DLGAP2: variants seen among roughly 807,000 people sequenced by gnomAD.
The protein encoded by DLGAP2 is DLG associated protein 2, also known as disks large-associated protein 2.
DLGAP2 carries 26 observed loss-of-function variants against 100.3 expected under a neutral mutation model. That is an observed-to-expected ratio of 0.26 (90% CI 0.19 to 0.36). The LOEUF (loss-of-function observed/expected upper bound fraction) is 0.36. Ranked by LOEUF, DLGAP2 falls within the 10% of genes least tolerant of loss-of-function variation. The pLI, the probability that DLGAP2 is intolerant of heterozygous loss-of-function variation, is 1.00. For synonymous variants in DLGAP2, 886 were observed against 630.1 expected, an observed-to-expected ratio of 1.41 and a Z score of -6.08; for missense variants, 1,858 against 1,453.2, an observed-to-expected ratio of 1.28 and a Z score of -4.53.
At chr8:1,327,088 C>G (rs1392116530) in intron 3 of DLGAP2, among the ~76,000 whole-genome samples, 1 of 152,248 alleles carries the variant, frequency 6.6e-6, no homozygotes, top group Non-Finnish European at 1.5e-5. Flanking sequence ...CCTGGTTCCA[C>G]GTGGCCCAGC....
At chr8:814,716 G>A (rs971685198) in intron 1 of DLGAP2, among the ~76,000 whole-genome samples, 1 of 151,712 alleles carries the variant, frequency 6.6e-6, no homozygotes, top group African/African-American at 2.4e-5. Context: ...AGCTGGGCGT[G>A]GTGGCAGGTG....
intron 3 of DLGAP2, among the ~76,000 whole-genome samples, chr8:1,385,832 G>A (rs949518082): frequency 2.9e-4 from 43 of 150,734 alleles, no homozygotes; most frequent in African/African-American, 1.0e-3. Flanking sequence ...CAGTTACCCC[G>A]GCCTATGCCT....
intron 2 of DLGAP2, among the ~76,000 whole-genome samples, chr8:1,241,321 A>T (rs551042043): frequency 6.7e-6 from 1 of 150,022 alleles, no homozygotes; most frequent in East Asian, 2.0e-4. Flanking sequence ...GTTCTCTCAC[A>T]TGGCACTGTG....
chr8:1,433,268 A>G (rs548859090), intron 3 of DLGAP2, among the ~76,000 whole-genome samples: 63 of 152,210 alleles, frequency 4.1e-4, no homozygotes, highest in Non-Finnish European at 7.8e-4. Flanking sequence ...GAACCCATCC[A>G]GCTCTCTGCT....
At chr8:740,446 C>T (rs1223995200) in intron 1 of DLGAP2, 2 of 152,196 alleles carry the variant, frequency 1.3e-5, no homozygotes, top group Admixed American at 6.5e-5. Context: ...GAATTCAGAT[C>T]ACATGACATT....
intron 2 of DLGAP2, among the ~76,000 whole-genome samples, chr8:1,094,788 G>A (rs1174113823): frequency 2.0e-5 from 3 of 152,238 alleles, no homozygotes; most frequent in African/African-American, 7.2e-5. Flanking sequence ...GCATGGCATT[G>A]AACACAGAAG....
intron 2 of DLGAP2, among the ~76,000 whole-genome samples, chr8:938,908 G>T (rs531413601): frequency 2.6e-5 from 4 of 152,258 alleles, no homozygotes; most frequent in Non-Finnish European, 5.9e-5. Flanking sequence ...CCGAGGAAGA[G>T]TGTGAGGATG....
At chr8:808,492 CAG>C (rs981215427) in intron 1 of DLGAP2, among the ~76,000 whole-genome samples, 4 of 152,180 alleles carry the variant, frequency 2.6e-5, no homozygotes, top group African/African-American at 4.8e-5. Context: ...GTTCTGGGAA[CAG>C]GGAGGACCAG....
rs149600790 is a variant in DLGAP2, at chr8:835,719, C to T, written c.19-72193C>T. 1.2e-4 allele frequency among the ~76,000 whole-genome samples: 19 copies of T among 152,258 alleles called. No individual in the cohort carries two copies. In the East Asian group the frequency reaches 3.7e-3, roughly 29 times the overall value. ...TTTTCTCTGTGCTAGGCTGCGTCAC[C>T]AAATGTCTGAAATACTTAGTTATTA... On this transcript the variant is annotated intron_variant, in intron 1 of 14. Coordinates refer to ENST00000637795, the MANE Select transcript of DLGAP2 (RefSeq NM_001346810.2).
intron 4 of DLGAP2, among the ~76,000 whole-genome samples, chr8:1,533,131 T>TA (rs1801037724): frequency 6.9e-6 from 1 of 145,848 alleles, no homozygotes; most frequent in African/African-American, 2.6e-5. Context: ...TCACTGATTC[T>TA]AGGGAAAAAA....
At chr8:1,691,426 G>C (rs932545454) in intron 12 of DLGAP2, 109 bp from the exon 13 acceptor site, 2 of 923,312 alleles carry the variant, frequency 2.2e-6, no homozygotes, top group Admixed American at 2.5e-5. Flanking sequence ...GAAGTCGTCA[G>C]TTTTCATCTC....
intron 2 of DLGAP2, among the ~76,000 whole-genome samples, chr8:1,241,178 C>T (rs1196744697): frequency 4.4e-4 from 9 of 20,402 alleles, no homozygotes; most frequent in African/African-American, 7.9e-4. Flanking sequence ...CACGTGGCGC[C>T]GTGTCTCGTT....
intron 1 of DLGAP2, among the ~76,000 whole-genome samples, chr8:779,641 T>A (rs1821634302): frequency 6.6e-6 from 1 of 151,908 alleles, no homozygotes; most frequent in Non-Finnish European, 1.5e-5. Flanking sequence ...ATAGCATTAT[T>A]TTCTGAGAAG....
At chr8:1,639,431 G>A (rs896074110) in intron 8 of DLGAP2, among the ~76,000 whole-genome samples, 1 of 152,134 alleles carries the variant, frequency 6.6e-6, no homozygotes, top group Non-Finnish European at 1.5e-5. Context: ...GAATTGTGCA[G>A]CCCCTCTATG....
chr8:1,485,982 G>A (rs1051847016), intron 3 of DLGAP2, among the ~76,000 whole-genome samples: 1 of 152,274 alleles, frequency 6.6e-6, no homozygotes, highest in African/African-American at 2.4e-5. Flanking sequence ...AGCCGAGATC[G>A]CGCCACTGCA....
At chr8:1,669,482 G>T (rs2130840424) in intron 9 of DLGAP2, among the ~76,000 whole-genome samples, 1 of 152,342 alleles carries the variant, frequency 6.6e-6, no homozygotes, top group African/African-American at 2.4e-5. Flanking sequence ...AGCAGGGCTG[G>T]CCGTCAAGCC....
intron 2 of DLGAP2, among the ~76,000 whole-genome samples, chr8:932,776 G>C (rs950083931): frequency 6.6e-6 from 1 of 152,004 alleles, no homozygotes; most frequent in African/African-American, 2.4e-5. Context: ...TACTGCTTTT[G>C]TAACTTTTCT....
chr8:1,312,714 A>G (rs1388740052), intron 3 of DLGAP2, among the ~76,000 whole-genome samples: 1 of 152,254 alleles, frequency 6.6e-6, no homozygotes, highest in Non-Finnish European at 1.5e-5. Flanking sequence ...ATAAAATTAA[A>G]TGCACATACC....
intron 6 of DLGAP2, among the ~76,000 whole-genome samples, chr8:1,593,450 G>A (rs559198264): frequency 2.5e-3 from 376 of 151,828 alleles, no homozygotes; most frequent in African/African-American, 8.7e-3. Flanking sequence ...GCAAGACTCC[G>A]TCTCAAAAAT....
Sources: allele counts gnomAD v4.1 joint callset (sites outside exome capture counted in the v4.1 genomes callset), GRCh38; gene constraint gnomAD v4.1.1; transcripts MANE v1.5; gene names NCBI Gene and HGNC (gene_info 2026-07-23, HGNC 2026-07-21).